The following NIBAN1 variants were observed in gnomAD, a reference collection of about 807,000 sequenced individuals.
The protein encoded by NIBAN1 is protein Niban 1.
A neutral mutation model predicts 75.1 loss-of-function variants in NIBAN1; 81 were observed. The observed-to-expected ratio is 1.08, with a 90% CI of 0.90 to 1.30. The LOEUF is 1.30. Among genes scored for constraint, NIBAN1 ranks in the 50% most tolerant of loss-of-function variants. The pLI is 0.00. For synonymous variants in NIBAN1, 436 were observed against 424.8 expected, an observed-to-expected ratio of 1.03 and a Z score of -0.32; for missense variants, 1,133 against 1,128.1, an observed-to-expected ratio of 1.00 and a Z score of -0.06.
chr1:184,884,452 C>T (rs1656458722), intron 5 of NIBAN1, among the ~76,000 whole-genome samples, 181 bp downstream of exon 5: 1 of 152,114 alleles, frequency 6.6e-6, no homozygotes, highest in Non-Finnish European at 1.5e-5. Flanking sequence ...GTCTCGAACT[C>T]CTGACCTTGT....
intron 5 of NIBAN1, among the ~76,000 whole-genome samples, chr1:184,876,827 T>G (rs1656246837): frequency 6.6e-6 from 1 of 152,128 alleles, no homozygotes; most frequent in Admixed American, 6.5e-5. Context: ...AACATGCAAA[T>G]AATTCCAGTT....
chr1:184,860,696 G>A (rs1655794503), intron 5 of NIBAN1, among the ~76,000 whole-genome samples: 1 of 152,186 alleles, frequency 6.6e-6, no homozygotes, highest in South Asian at 2.1e-4. Flanking sequence ...AAATTGAAGA[G>A]TAATGAGAGT....
At chr1:184,878,624 T>C (rs1419041235) in intron 5 of NIBAN1, among the ~76,000 whole-genome samples, 1 of 152,232 alleles carries the variant, frequency 6.6e-6, no homozygotes, top group African/African-American at 2.4e-5. Context: ...CAGGTGATCT[T>C]AAGTGAATAG....
chr1:184,967,481 C>T (rs1481661391), intron 1 of NIBAN1, among the ~76,000 whole-genome samples: 1 of 152,104 alleles, frequency 6.6e-6, no homozygotes, highest in Non-Finnish European at 1.5e-5. Context: ...CCATGATTCA[C>T]ACTGCATATT....
At chr1:184,841,141 A>G (rs1557884405) in intron 5 of NIBAN1, among the ~76,000 whole-genome samples, 1 of 152,186 alleles carries the variant, frequency 6.6e-6, no homozygotes, top group Non-Finnish European at 1.5e-5. Context: ...ATACGGATAA[A>G]TGAATCTTGC....
rs186756382 is a variant in NIBAN1 at position 184,930,157 on chromosome 1, T to C, written c.56-30848A>G. 1.1e-4 allele frequency among the ~76,000 whole-genome samples: 16 copies of C among 152,292 alleles called. No individual in the cohort carries two copies. In the East Asian group the frequency reaches 3.1e-3, roughly 29 times the overall value. ...ATCCAGTTTGCCGAGCTTTCCTTTATCCTCTTTCACAACTTCCTACTCAGT... is the reference window on the plus strand; with the variant it reads ...ATCCAGTTTGCCGAGCTTTCCTTTACCCTCTTTCACAACTTCCTACTCAGT... On this transcript the variant is annotated intron_variant, in intron 1 of 13. Coordinates refer to ENST00000367511, the MANE Select transcript of NIBAN1 (RefSeq NM_052966.4).
At chr1:184,824,952 C>T (rs570793734) in intron 6 of NIBAN1, among the ~76,000 whole-genome samples, 1 of 152,266 alleles carries the variant, frequency 6.6e-6, no homozygotes, top group East Asian at 1.9e-4. Flanking sequence ...TGTGGGAAAA[C>T]TAAAATTCAT....
At chr1:184,888,816 T>A (rs887782450) in intron 4 of NIBAN1, among the ~76,000 whole-genome samples, 3 of 152,210 alleles carry the variant, frequency 2.0e-5, no homozygotes, top group African/African-American at 4.8e-5. Flanking sequence ...GCAGCTCCAC[T>A]GCCAAGGGCA....
chr1:184,925,137 T>C (rs1376321561), intron 1 of NIBAN1, among the ~76,000 whole-genome samples: 1 of 152,160 alleles, frequency 6.6e-6, no homozygotes, highest in Non-Finnish European at 1.5e-5. Context: ...CTTGCTGAAT[T>C]GACCCCTTTA....
At chr1:184,862,976 C>A (rs1317947562) in intron 5 of NIBAN1, among the ~76,000 whole-genome samples, 1 of 151,898 alleles carries the variant, frequency 6.6e-6, no homozygotes. Context: ...TTTATGTTTT[C>A]TGATCCTCTC....
rs865814641 is a variant in NIBAN1 at position 184,968,076 on chromosome 1, G to A, written c.55+6226C>T. On this transcript the variant is annotated intron_variant, in intron 1 of 13. Transcript: ENST00000367511. ...AAATTAGCCGGGCGCGGTGGCGGGG[G>A]CCTGTAGTCCCAGCTACTGGGGAGG... Among the ~76,000 whole-genome samples, 6 of 54,860 alleles carry A rather than the reference G, an allele frequency of 1.1e-4. 3 individuals are homozygous for A. Among genetic ancestry groups the A allele is most frequent in the African/African-American group, 3.7e-4 (6 of 16,200 alleles). 36.0% of individuals were successfully genotyped at this position (54,860 alleles called of 152,430 possible).
chr1:184,899,717 C>A (rs1481086579), intron 1 of NIBAN1, among the ~76,000 whole-genome samples: 1 of 151,378 alleles, frequency 6.6e-6, no homozygotes, highest in Non-Finnish European at 1.5e-5. Context: ...TCTACTTGTT[C>A]TTTATTCTCC....
intron 1 of NIBAN1, among the ~76,000 whole-genome samples, chr1:184,941,605 G>A (rs1658088229): frequency 1.4e-5 from 2 of 145,362 alleles, no homozygotes; most frequent in South Asian, 2.2e-4. Context: ...AGCTAAGATC[G>A]CACCACTGCA....
At chr1:184,966,692 C>T (rs553040946) in intron 1 of NIBAN1, among the ~76,000 whole-genome samples, 19 of 152,218 alleles carry the variant, frequency 1.2e-4, no homozygotes, top group Admixed American at 2.6e-4. Flanking sequence ...TAAGTATTTG[C>T]CTTATAATGA....
rs1003229983 is a variant in NIBAN1, at chr1:184,794,150, A to T, written c.*827T>A. The T allele has an allele frequency of 2.6e-5, 4 of 152,172 alleles. No individual in the cohort carries two copies. Among genetic ancestry groups the T allele is most frequent in the Non-Finnish European group, 5.9e-5 (4 of 68,074 alleles). 9.4% of individuals were successfully genotyped at this position (152,172 alleles called of 1,614,324 possible). A position where few individuals can be genotyped will look rare whatever the true frequency, so the allele number is the denominator to read the frequency against. On this transcript the variant is annotated 3_prime_UTR_variant, in exon 14 of 14. Transcript: ENST00000367511. The stretch of plus-strand genomic sequence containing the variant: ...CCAACACAGTGCGTGGCATGCAGTA[A>T]CTGTTCAAATAATGTTTGTTTAATT...
At chr1:184,803,952 A>C (rs1654118110) in intron 11 of NIBAN1, among the ~76,000 whole-genome samples, 1 of 152,216 alleles carries the variant, frequency 6.6e-6, no homozygotes, top group African/African-American at 2.4e-5. Context: ...TGAGTTCTGC[A>C]TTATAAAGAA....
chr1:184,810,560 C>T (rs1044199206), intron 9 of NIBAN1, among the ~76,000 whole-genome samples: 8 of 152,200 alleles, frequency 5.3e-5, no homozygotes, highest in Non-Finnish European at 1.2e-4. Context: ...GTAGTATGCA[C>T]CTGTAACAAT....
chr1:184,950,701 C>A (rs943812002), intron 1 of NIBAN1, among the ~76,000 whole-genome samples: 1 of 152,096 alleles, frequency 6.6e-6, no homozygotes, highest in Non-Finnish European at 1.5e-5. Flanking sequence ...TTAGGTTATG[C>A]TAGAAATGAA....
intron 1 of NIBAN1, among the ~76,000 whole-genome samples, chr1:184,904,386 G>A (rs111554118): frequency 4.3e-4 from 66 of 152,234 alleles, no homozygotes; most frequent in African/African-American, 1.5e-3. Flanking sequence ...GCAACGGAAG[G>A]AAACTAACAC....
Sources: gnomAD v4.1 joint callset for allele counts (sites outside exome capture counted in the v4.1 genomes callset) on GRCh38, gnomAD v4.1.1 for gene constraint, MANE v1.5 for transcripts, NCBI Gene and HGNC (gene_info 2026-07-23, HGNC 2026-07-21) for gene names.